COL9A1: variants seen among roughly 807,000 people sequenced by gnomAD.
COL9A1 encodes the protein collagen alpha-1(IX) chain.
COL9A1 carries 104 observed loss-of-function variants against 142.6 expected under a neutral mutation model. The observed-to-expected ratio is 0.73, with a 90% CI of 0.62 to 0.86. The LOEUF (loss-of-function observed/expected upper bound fraction) is 0.86, where lower values mean the gene tolerates loss of function less well. COL9A1 is among the 40% of genes least tolerant of loss of function. The pLI is 0.00. For missense variants in COL9A1, 1,210 were observed against 1,176.6 expected, an observed-to-expected ratio of 1.03 and a Z score of -0.42; for synonymous variants, 466 against 396.0, an observed-to-expected ratio of 1.18 and a Z score of -2.10.
rs1392158410 is a variant in COL9A1 at position 70,255,411 on chromosome 6, G to T, written c.1504-21C>A. 4 of 1,609,912 alleles carry T rather than the reference G, an allele frequency of 2.5e-6. 1 individual carries two copies. In the South Asian group the frequency reaches 3.3e-5, roughly 13 times the overall value. On this transcript the variant is annotated intron_variant, in intron 21 of 37. Transcript: ENST00000357250. Reference sequence around the variant, plus strand: ...TCACCCTGTATGAAAATAAAATTTTGTTAATACAAGAAAAAGTTACTTATT... The same window carrying T: ...TCACCCTGTATGAAAATAAAATTTTTTTAATACAAGAAAAAGTTACTTATT...
chr6:70,241,396 A>G, intron 31 of COL9A1, 23 bp downstream of exon 31: 1 of 1,596,156 alleles, frequency 6.3e-7, no homozygotes, highest in Non-Finnish European at 8.6e-7. Flanking sequence ...TGCATTTTAT[A>G]CCAATTAAAT....
intron 37 of COL9A1, among the ~76,000 whole-genome samples, chr6:70,218,128 A>G (rs963941053): frequency 7.2e-5 from 11 of 152,158 alleles, no homozygotes; most frequent in Admixed American, 1.3e-4. Flanking sequence ...GGGCGATAGA[A>G]CAAGACTTCG....
At chr6:70,250,645 T>C (rs550751833) in intron 28 of COL9A1, among the ~76,000 whole-genome samples, 1 of 152,122 alleles carries the variant, frequency 6.6e-6, no homozygotes, top group Non-Finnish European at 1.5e-5. Flanking sequence ...AGTATAAAAA[T>C]CTTCATTCAA....
intron 10 of COL9A1, among the ~76,000 whole-genome samples, chr6:70,279,347 C>G (rs1562322577): frequency 1.3e-5 from 2 of 151,658 alleles, no homozygotes. Flanking sequence ...TCAGTTTTTA[C>G]TATCTAAATA....
chr6:70,253,197 G>T (rs1771061462), intron 26 of COL9A1, 188 bp downstream of exon 26: 1 of 504,236 alleles, frequency 2.0e-6, no homozygotes, highest in Non-Finnish European at 3.6e-6. Context: ...GCAGCATTTT[G>T]TCAAAGTATG....
intron 11 of COL9A1, among the ~76,000 whole-genome samples, chr6:70,274,440 C>T (rs1221672206): frequency 6.6e-6 from 1 of 152,120 alleles, no homozygotes; most frequent in African/African-American, 2.4e-5. Context: ...TCAGCTCCCA[C>T]TTATAAGTGA....
intron 21 of COL9A1, among the ~76,000 whole-genome samples, 200 bp downstream of exon 21, chr6:70,256,568 A>T (rs917396836): frequency 3.3e-5 from 5 of 152,178 alleles, no homozygotes; most frequent in African/African-American, 1.2e-4. Flanking sequence ...TGAAGAAAAA[A>T]ATCATGTCAA....
chr6:70,274,696 T>G (rs1443285487), intron 11 of COL9A1, 23 bp downstream of exon 11: 1 of 1,597,154 alleles, frequency 6.3e-7, no homozygotes. Context: ...GTACTAGCAA[T>G]TAATGCCAGA....
intron 5 of COL9A1, among the ~76,000 whole-genome samples, chr6:70,290,607 A>G (rs978295431): frequency 2.0e-5 from 3 of 146,366 alleles, no homozygotes; most frequent in Admixed American, 6.9e-5. Flanking sequence ...AGGCAGGGGG[A>G]AAATAGCAAA....
At chr6:70,263,100 C>A in intron 19 of COL9A1, 144 bp downstream of exon 19, 1 of 574,626 alleles carries the variant, frequency 1.7e-6, no homozygotes, top group South Asian at 2.9e-5. Flanking sequence ...TAGTTATCCC[C>A]CAGTGCTGGC....
chr6:70,250,625 G>A (rs1466213362), intron 28 of COL9A1, among the ~76,000 whole-genome samples: 1 of 152,092 alleles, frequency 6.6e-6, no homozygotes, highest in Non-Finnish European at 1.5e-5. Context: ...GGAATACATT[G>A]CTTTTCTCAA....
intron 4 of COL9A1, 45 bp downstream of exon 4, chr6:70,299,998 G>A: frequency 6.4e-7 from 1 of 1,552,896 alleles, no homozygotes; most frequent in Non-Finnish European, 8.9e-7. Flanking sequence ...CATTTTTAAT[G>A]CATTTGAGTC....
chr6:70,225,683 C>A (rs1769184816), intron 37 of COL9A1, among the ~76,000 whole-genome samples: 1 of 151,942 alleles, frequency 6.6e-6, no homozygotes, highest in African/African-American at 2.4e-5. Flanking sequence ...TGGACCTTGA[C>A]ACTATTTTTC....
intron 32 of COL9A1, 21 bp downstream of exon 32, chr6:70,240,668 A>C (rs760525968): frequency 6.2e-7 from 1 of 1,603,106 alleles, no homozygotes; most frequent in Admixed American, 1.7e-5. Flanking sequence ...TTCATCATTA[A>C]CCAGAAAAAA....
chr6:70,273,910 C>T (rs1268723951), intron 12 of COL9A1, 137 bp downstream of exon 12: 1 of 394,326 alleles, frequency 2.5e-6, no homozygotes, highest in Non-Finnish European at 4.1e-6. Flanking sequence ...ATGCAGAAAA[C>T]TGCACATGTA....
At position 70,236,099 on chromosome 6, in the gene COL9A1, C is replaced by T. The variant is rs1347972539; in HGVS notation, c.2113-1159G>A. Reference sequence around the variant, plus strand: ...CTGCACTCCAGCCTGGGTGACAGAGCGAGACTCCATCTCAAAAAAAAAAAA... The same window carrying T: ...CTGCACTCCAGCCTGGGTGACAGAGTGAGACTCCATCTCAAAAAAAAAAAA... On this transcript the variant is annotated intron_variant, in intron 33 of 37. Transcript: ENST00000357250. 7.4e-5 allele frequency among the ~76,000 whole-genome samples: 8 copies of T among 108,100 alleles called. No individual in the cohort carries two copies. The East Asian group carries it at 1.1e-3, about 14-fold the overall frequency. The allele number at this position is 108,100 out of a possible 152,430, so 70.9% of individuals were successfully genotyped here.
intron 16 of COL9A1, 27 bp downstream of exon 16, chr6:70,269,606 T>C: frequency 6.6e-7 from 1 of 1,515,512 alleles, no homozygotes; most frequent in Non-Finnish European, 9.2e-7. Flanking sequence ...ATTAAAACTA[T>C]ATTTTGTTCA....
In COL9A1 at chr6:70,254,461, G is replaced by T. The variant is rs1366509824; in HGVS notation, c.1719+15C>A. 6.2e-7 allele frequency: 1 copy of T among 1,613,080 alleles called. No individual in the cohort carries two copies. The highest frequency in any genetic ancestry group is 1.7e-5 in the Admixed American group (1 of 60,006). On this transcript the variant is annotated intron_variant, in intron 25 of 37. Coordinates refer to ENST00000357250, the MANE Select transcript of COL9A1 (RefSeq NM_001851.6). The stretch of plus-strand genomic sequence containing the variant: ...GTATATAAACCAATTAACATGTAAA[G>T]AATCAAATACTTACTGGTAACCCCT...
chr6:70,294,090 T>A (rs1323610067), intron 5 of COL9A1, 77 bp downstream of exon 5: 88 of 1,567,734 alleles, frequency 5.6e-5, no homozygotes, highest in Non-Finnish European at 7.6e-5. Flanking sequence ...CAGCTGATTA[T>A]CAAAGATGCT....
Sources: allele counts gnomAD v4.1 joint callset (sites outside exome capture counted in the v4.1 genomes callset), GRCh38; gene constraint gnomAD v4.1.1; transcripts MANE v1.5; gene names NCBI Gene and HGNC (gene_info 2026-07-23, HGNC 2026-07-21).